The following TMTC2 variants were observed in gnomAD, a reference collection of about 807,000 sequenced individuals.
TMTC2 encodes the protein transmembrane O-mannosyltransferase targeting cadherins 2.
A neutral mutation model predicts 82.4 loss-of-function variants in TMTC2; 43 were observed. The observed-to-expected ratio is 0.52, with a 90% confidence interval of 0.41 to 0.67. The LOEUF is 0.67. TMTC2 is among the 30% of genes least tolerant of loss of function. TMTC2 has a pLI of 0.00. For synonymous variants in TMTC2, 408 were observed against 381.9 expected (o/e 1.07, Z -0.80); for missense variants, 919 against 1,012.4 (o/e 0.91, Z 1.25).
intron 3 of TMTC2, among the ~76,000 whole-genome samples, chr12:82,906,643 C>T (rs974724794): frequency 6.6e-6 from 1 of 152,026 alleles, no homozygotes. Context: ...GAGCCGAGAT[C>T]GTGCCATTGC....
intron 8 of TMTC2, among the ~76,000 whole-genome samples, chr12:83,005,330 CAAAAA>C (rs35332002): frequency 1.9e-5 from 2 of 105,706 alleles, no homozygotes. Context: ...CTCTGGTCTC[CAAAAA>C]AAAAAAAAAA....
chr12:82,711,114 G>A (rs1020612028), intron 1 of TMTC2, among the ~76,000 whole-genome samples: 2 of 152,134 alleles, frequency 1.3e-5, no homozygotes, highest in African/African-American at 4.8e-5. Context: ...TAAGAAACAA[G>A]GCAGAAAATT....
At chr12:82,850,398 A>G (rs1191137396) in intron 1 of TMTC2, among the ~76,000 whole-genome samples, 1 of 152,130 alleles carries the variant, frequency 6.6e-6, no homozygotes, top group Non-Finnish European at 1.5e-5. Context: ...TGGATGTCAA[A>G]TGGACAGTTG....
At chr12:83,074,814 T>G (rs1441028177) in intron 11 of TMTC2, among the ~76,000 whole-genome samples, 1 of 152,128 alleles carries the variant, frequency 6.6e-6, no homozygotes, top group East Asian at 1.9e-4. Context: ...GGAAAAGGTT[T>G]GGTTCTTCCC....
chr12:83,052,158 A>G (rs1882374761), intron 10 of TMTC2, among the ~76,000 whole-genome samples: 1 of 152,146 alleles, frequency 6.6e-6, no homozygotes. Flanking sequence ...AAGAATAATA[A>G]CAGAGAAGTT....
intron 3 of TMTC2, among the ~76,000 whole-genome samples, chr12:82,918,478 A>G (rs1281046509): frequency 6.6e-6 from 1 of 152,134 alleles, no homozygotes; most frequent in East Asian, 1.9e-4. Flanking sequence ...AGATTTTCAT[A>G]TAGGGACAAA....
intron 1 of TMTC2, among the ~76,000 whole-genome samples, chr12:82,822,970 G>A (rs1197231224): frequency 2.6e-5 from 4 of 152,144 alleles, no homozygotes; most frequent in African/African-American, 7.2e-5. Context: ...TGATAGATAA[G>A]ATGAAAAAGA....
chr12:82,958,354 C>CAAAAAAAAAAAAAAA (rs750819932), intron 4 of TMTC2, among the ~76,000 whole-genome samples: 3 of 19,954 alleles, frequency 1.5e-4, no homozygotes, highest in African/African-American at 7.1e-4. Flanking sequence ...GAGTCTGTCT[C>CAAAAAAAAAAAAAAA]AAAAAAAAAA....
intron 1 of TMTC2, among the ~76,000 whole-genome samples, chr12:82,798,958 T>G (rs909729720): frequency 1.3e-5 from 2 of 152,144 alleles, no homozygotes; most frequent in African/African-American, 4.8e-5. Context: ...AACCTCTAGC[T>G]GATTCACTCT....
chr12:82,778,676 C>T (rs1252781082), intron 1 of TMTC2, among the ~76,000 whole-genome samples: 4 of 151,620 alleles, frequency 2.6e-5, no homozygotes, highest in African/African-American at 7.3e-5. Context: ...GGTGAAACCC[C>T]GTCTCTACTA....
At chr12:82,946,964 G>A (rs189902635) in intron 4 of TMTC2, among the ~76,000 whole-genome samples, 3 of 152,040 alleles carry the variant, frequency 2.0e-5, no homozygotes, top group Admixed American at 1.3e-4. Context: ...AGATGGTCTC[G>A]ATCTCCTGAC....
intron 1 of TMTC2, among the ~76,000 whole-genome samples, chr12:82,689,578 A>C (rs1565709270): frequency 1.3e-5 from 2 of 152,348 alleles, no homozygotes; most frequent in Middle Eastern, 3.4e-3. Flanking sequence ...ATTCTTTAAA[A>C]ATTAAGGTTA....
intron 2 of TMTC2, among the ~76,000 whole-genome samples, chr12:82,867,924 T>A (rs1048260356): frequency 6.6e-6 from 1 of 152,212 alleles, no homozygotes; most frequent in African/African-American, 2.4e-5. Flanking sequence ...CACGCAGAGA[T>A]GCTTATAAGT....
At chr12:83,038,501 A>G (rs929086451) in intron 9 of TMTC2, among the ~76,000 whole-genome samples, 2 of 152,138 alleles carry the variant, frequency 1.3e-5, no homozygotes, top group African/African-American at 4.8e-5. Flanking sequence ...TGACTTTGCT[A>G]TTTGTTACAG....
intron 1 of TMTC2, among the ~76,000 whole-genome samples, chr12:82,786,296 A>T (rs1878172352): frequency 6.6e-6 from 1 of 152,152 alleles, no homozygotes; most frequent in African/African-American, 2.4e-5. Context: ...ACACCTGAAA[A>T]GATAAATGAT....
intron 11 of TMTC2, among the ~76,000 whole-genome samples, chr12:83,072,339 G>A (rs754419495): frequency 2.2e-4 from 34 of 151,866 alleles, no homozygotes; most frequent in African/African-American, 6.8e-4. Context: ...GTTGATTTCC[G>A]GCTTTATTCC....
At chr12:83,100,910 C>T (rs1884196034) in intron 11 of TMTC2, among the ~76,000 whole-genome samples, 1 of 152,128 alleles carries the variant, frequency 6.6e-6, no homozygotes, top group East Asian at 1.9e-4. Flanking sequence ...AACAACACAT[C>T]CTAAATGCTT....
intron 3 of TMTC2, among the ~76,000 whole-genome samples, chr12:82,904,831 C>T (rs1208048828): frequency 6.6e-6 from 1 of 152,140 alleles, no homozygotes; most frequent in Non-Finnish European, 1.5e-5. Context: ...TGGCTCTAGT[C>T]TCTGTAGAAT....
chr12:83,105,288 C>G (rs2137538181), intron 11 of TMTC2, among the ~76,000 whole-genome samples: 1 of 152,286 alleles, frequency 6.6e-6, no homozygotes, highest in South Asian at 2.1e-4. Flanking sequence ...AAAGCTGCTT[C>G]CACATTTTCA....
Sources: allele counts gnomAD v4.1 joint callset (sites outside exome capture counted in the v4.1 genomes callset), GRCh38; gene constraint gnomAD v4.1.1; transcripts MANE v1.5; gene names NCBI Gene and HGNC (gene_info 2026-07-23, HGNC 2026-07-21).